Variants in LINGO2 observed in about 807,000 individuals in gnomAD.
LINGO2 encodes the protein leucine rich repeat and Ig domain containing 2.
In LINGO2, 14 loss-of-function variants were observed where a neutral mutation model predicts 30.6. That is an observed-to-expected ratio of 0.46 (90% confidence interval 0.30 to 0.72). LINGO2 has a LOEUF of 0.72. LINGO2 is among the 30% of genes least tolerant of loss of function. The probability of loss-of-function intolerance (pLI) is 0.07; values close to 1 mark genes in which losing one functional copy is unlikely to be tolerated. For missense variants in LINGO2, 729 were observed against 751.7 expected (o/e 0.97, Z 0.35); for synonymous variants, 317 against 288.5 (o/e 1.10, Z -1.00).
At chr9:29,144,587 A>G in the LINGO2 span, among the ~76,000 whole-genome samples, 1 of 152,186 alleles carries the variant, frequency 6.6e-6, no homozygotes, top group Non-Finnish European at 1.5e-5. Context: ...AAACCACAGC[A>G]GTAATTTCAG....
chr9:28,566,734 G>A (rs1823403144), intron 1 of LINGO2, among the ~76,000 whole-genome samples: 1 of 152,124 alleles, frequency 6.6e-6, no homozygotes, highest in Non-Finnish European at 1.5e-5. Context: ...AAAGGATATG[G>A]CATGCTTTGC....
At chr9:28,001,112 T>C (rs1354489772) in intron 5 of LINGO2, among the ~76,000 whole-genome samples, 1 of 152,250 alleles carries the variant, frequency 6.6e-6, no homozygotes, top group Non-Finnish European at 1.5e-5. Context: ...GGAATTTTCT[T>C]AATCTAGTAC....
chr9:28,595,880 T>G (rs1176745178), intron 1 of LINGO2, among the ~76,000 whole-genome samples: 2 of 152,172 alleles, frequency 1.3e-5, no homozygotes, highest in Non-Finnish European at 2.9e-5. Context: ...AATAGATATT[T>G]GACCAATTAA....
At chr9:29,034,383 T>A in the LINGO2 span, among the ~76,000 whole-genome samples, 1 of 152,152 alleles carries the variant, frequency 6.6e-6, no homozygotes, top group South Asian at 2.1e-4. Flanking sequence ...ACTTCATATT[T>A]TAATAACCTA....
At chr9:28,313,628 C>T (rs1054526517) in intron 3 of LINGO2, among the ~76,000 whole-genome samples, 1 of 152,128 alleles carries the variant, frequency 6.6e-6, no homozygotes, top group African/African-American at 2.4e-5. Flanking sequence ...AGGCTGGATT[C>T]TCTCAGAATC....
At chr9:29,123,970 ATAAC>A in the LINGO2 span, among the ~76,000 whole-genome samples, 1 of 152,172 alleles carries the variant, frequency 6.6e-6, no homozygotes, top group Non-Finnish European at 1.5e-5. Flanking sequence ...TATTAGCTAA[ATAAC>A]AAAGCTGGAG....
At chr9:28,694,235 CTAATA>C in the LINGO2 span, among the ~76,000 whole-genome samples, 2 of 151,422 alleles carry the variant, frequency 1.3e-5, no homozygotes, top group Non-Finnish European at 2.9e-5. Context: ...TTCTATTAAT[CTAATA>C]TATTAAAATA....
chr9:28,157,832 G>T (rs983671694), intron 4 of LINGO2, among the ~76,000 whole-genome samples: 3 of 152,154 alleles, frequency 2.0e-5, no homozygotes, highest in African/African-American at 7.2e-5. Context: ...CTTTGCTTCA[G>T]TTCCCAATAA....
At chr9:28,173,089 T>G (rs1312165886) in intron 4 of LINGO2, among the ~76,000 whole-genome samples, 2 of 152,210 alleles carry the variant, frequency 1.3e-5, no homozygotes, top group African/African-American at 4.8e-5. Context: ...CCCTTCAAAA[T>G]ACTCTCATTG....
chr9:28,674,285 A>T (rs912069263), upstream of LINGO2, among the ~76,000 whole-genome samples: 1 of 152,178 alleles, frequency 6.6e-6, no homozygotes, highest in African/African-American at 2.4e-5. Context: ...CTTTAAGGAT[A>T]AACAATACTT....
intron 1 of LINGO2, among the ~76,000 whole-genome samples, chr9:28,668,910 T>C (rs1027939562): frequency 1.2e-4 from 19 of 152,058 alleles, no homozygotes; most frequent in African/African-American, 2.9e-4. Context: ...TTAGTTATTA[T>C]CTCATCCAAG....
In LINGO2 at chr9:28,148,939, C is replaced by A. The variant is rs920287205; in HGVS notation, c.-86-136534G>T. On this transcript the variant is annotated intron_variant, in intron 4 of 5. Transcript: ENST00000379992. This position sits in a 1 kb window ranked among gnomAD's most constrained non-coding sequence, Gnocchi z 5.1. Reference sequence around the variant, plus strand: ...GTAGGTCTTCTCCACACAGAGCTGCCGGCCACAGTTCCCACAAAAGAAAAC... The same window carrying A: ...GTAGGTCTTCTCCACACAGAGCTGCAGGCCACAGTTCCCACAAAAGAAAAC... 6.5e-7 allele frequency: 1 copy of A among 1,533,974 alleles called. No homozygotes were observed. Among genetic ancestry groups the A allele is most frequent in the Admixed American group, 2.0e-5 (1 of 50,994 alleles).
At chr9:29,152,639 A>G in the LINGO2 span, among the ~76,000 whole-genome samples, 7 of 152,174 alleles carry the variant, frequency 4.6e-5, no homozygotes, top group African/African-American at 1.7e-4. Flanking sequence ...CAGACACTGG[A>G]AACTACTATA....
At chr9:28,107,724 A>T (rs964217556) in intron 4 of LINGO2, among the ~76,000 whole-genome samples, 1 of 152,154 alleles carries the variant, frequency 6.6e-6, no homozygotes, top group Non-Finnish European at 1.5e-5. Flanking sequence ...TCACCAATAC[A>T]ATTTCAAATG....
chr9:28,654,641 C>G (rs184065648), intron 1 of LINGO2, among the ~76,000 whole-genome samples: 20 of 152,182 alleles, frequency 1.3e-4, no homozygotes, highest in Non-Finnish European at 2.6e-4. Flanking sequence ...AGATTTTACA[C>G]TACCATAGAG....
the LINGO2 span, among the ~76,000 whole-genome samples, chr9:28,999,305 G>C: frequency 6.6e-6 from 1 of 152,038 alleles, no homozygotes; most frequent in African/African-American, 2.4e-5. Flanking sequence ...TGTCAGACAT[G>C]TAAGCTTCAT....
At chr9:28,091,537 TA>T (rs1826086673) in intron 4 of LINGO2, among the ~76,000 whole-genome samples, 1 of 152,150 alleles carries the variant, frequency 6.6e-6, no homozygotes, top group Non-Finnish European at 1.5e-5. Flanking sequence ...TTATACCTTA[TA>T]CAAAAATTAA....
At chr9:28,575,307 G>A (rs573672814) in intron 1 of LINGO2, among the ~76,000 whole-genome samples, 16 of 151,660 alleles carry the variant, frequency 1.1e-4, no homozygotes, top group African/African-American at 3.9e-4. Flanking sequence ...GCTGAGGCAG[G>A]AGAATTGCTT....
At chr9:28,036,987 A>C (rs572670962) in intron 4 of LINGO2, among the ~76,000 whole-genome samples, 4 of 152,294 alleles carry the variant, frequency 2.6e-5, no homozygotes, top group African/African-American at 9.6e-5. Context: ...CATTTACTGC[A>C]CTTAGTTACA....
Sources: gnomAD v4.1 joint callset for allele counts (sites outside exome capture counted in the v4.1 genomes callset) on GRCh38, gnomAD v4.1.1 for gene constraint, Gnocchi (gnomAD v3.1) non-coding constraint, MANE v1.5 for transcripts, NCBI Gene and HGNC (gene_info 2026-07-23, HGNC 2026-07-21) for gene names.